The following NOTCH2NLR variants were observed in gnomAD, a reference collection of about 807,000 sequenced individuals.
The protein encoded by NOTCH2NLR is notch 2 N-terminal like R.
NOTCH2NLR carries 33 observed loss-of-function variants against 35.6 expected under a neutral mutation model. That is an observed-to-expected ratio of 0.93 (90% confidence interval 0.70 to 1.24). The LOEUF (loss-of-function observed/expected upper bound fraction) is 1.24. NOTCH2NLR is among the 50% of genes most tolerant of loss of function. NOTCH2NLR has a pLI of 0.00. For missense variants in NOTCH2NLR, 276 were observed against 362.2 expected, an observed-to-expected ratio of 0.76 and a Z score of 1.93; for synonymous variants, 103 against 141.0, an observed-to-expected ratio of 0.73 and a Z score of 1.91.
exon 3 of NOTCH2NLR, chr1:120,785,067 C>T (rs1176480602): frequency 6.2e-6 from 9 of 1,445,892 alleles, no homozygotes; most frequent in Non-Finnish European, 7.4e-6. Context: ...TGGCCCAGGC[C>T]ATGCTGGGGA....
chr1:120,726,217 G>A (rs1206865171), intron 1 of NOTCH2NLR, among the ~76,000 whole-genome samples: 1 of 85,588 alleles, frequency 1.2e-5, no homozygotes, highest in East Asian at 2.6e-4. Flanking sequence ...TTATTAGCTA[G>A]CTTTTAGGTA....
At chr1:120,751,721 CT>C (rs1248092058) in intron 1 of NOTCH2NLR, among the ~76,000 whole-genome samples, 2 of 16,158 alleles carry the variant, frequency 1.2e-4, no homozygotes, top group African/African-American at 2.2e-4. Flanking sequence ...TCTCTCTTTT[CT>C]TTTTTTCTTT....
At position 120,763,775 on chromosome 1, in the gene NOTCH2NLR, C is replaced by G. The variant is rs1248949183; in HGVS notation, c.155+66C>G. The G allele has an allele frequency of 4.6e-6, 3 of 654,580 alleles. 1 individual carries two copies. Among genetic ancestry groups the G allele is most frequent in the Non-Finnish European group, 8.0e-6 (3 of 372,840 alleles). 40.5% of individuals were successfully genotyped at this position (654,580 alleles called of 1,614,324 possible). A position where few individuals can be genotyped will look rare whatever the true frequency, so the allele number is the denominator to read the frequency against. On this transcript the variant is annotated intron_variant, in intron 2 of 4. Coordinates refer to ENST00000624419, the Ensembl canonical transcript of NOTCH2NLR. ...CACTGGACAAGATTTGATTCTACTC[C>G]TCTATTTTTAATGCTTCTGTGGAAT...
Position 120,790,620 on chromosome 1 carries a change from CT to C in NOTCH2NLR, c.416-2540del, listed in dbSNP as rs1651481655. ...TTTCTCTCTCTTTCCCTCTCTCTTTCTGTCTTTCTTTCTTCTCACTCTGTTG... is the reference window on the plus strand; with the variant it reads ...TTTCTCTCTCTTTCCCTCTCTCTTTCGTCTTTCTTTCTTCTCACTCTGTTG... On this transcript the variant is annotated intron_variant, in intron 3 of 4. Transcript: ENST00000624419. Among the ~76,000 whole-genome samples, 2 of 103,584 alleles carry C rather than the reference CT, an allele frequency of 1.9e-5. 1 individual carries two copies. Among genetic ancestry groups the C allele is most frequent in the African/African-American group, 1.3e-4 (2 of 15,920 alleles). 68.0% of individuals were successfully genotyped at this position (103,584 alleles called of 152,430 possible).
chr1:120,733,105 ATTTATT>A (rs1404202135), intron 1 of NOTCH2NLR, among the ~76,000 whole-genome samples: 1 of 84,626 alleles, frequency 1.2e-5, no homozygotes, highest in Non-Finnish European at 2.1e-5. Flanking sequence ...AAAGCTGTTG[ATTTATT>A]TTTATATATA....
At chr1:120,750,756 TA>T (rs1651013976) in intron 1 of NOTCH2NLR, among the ~76,000 whole-genome samples, 1 of 113,444 alleles carries the variant, frequency 8.8e-6, no homozygotes, top group Non-Finnish European at 1.7e-5. Flanking sequence ...CTCAAATTTA[TA>T]AACTTGTTCT....
At chr1:120,760,349 A>T in intron 1 of NOTCH2NLR, among the ~76,000 whole-genome samples, 1 of 109,534 alleles carries the variant, frequency 9.1e-6, no homozygotes. Flanking sequence ...TAATTTTTGT[A>T]CTTTTAGTAG....
rs1402190267 is a variant in NOTCH2NLR at position 120,781,996 on chromosome 1, T to A, written c.156-2978T>A. On this transcript the variant is annotated intron_variant, in intron 2 of 4. Coordinates refer to ENST00000624419, the Ensembl canonical transcript of NOTCH2NLR. ...AAATATACAATACATAGTTAAGTAC[T>A]TAGAAAATATGTTTTCAGTTACTTC... is the stretch of plus-strand genomic sequence containing the variant. 2.0e-5 allele frequency among the ~76,000 whole-genome samples: 2 copies of A among 100,218 alleles called. 1 individual carries two copies. The highest frequency in any genetic ancestry group is 3.7e-5 in the Non-Finnish European group (2 of 54,446). 65.7% of individuals were successfully genotyped at this position (100,218 alleles called of 152,430 possible). A position where few individuals can be genotyped will look rare whatever the true frequency, so the allele number is the denominator to read the frequency against.
chr1:120,724,104 C>G, exon 1 of NOTCH2NLR: 1 of 1,336,692 alleles, frequency 7.5e-7, no homozygotes, highest in Admixed American at 2.7e-5. Context: ...TCTATCGGGA[C>G]CCCCTCCCCA....
chr1:120,793,109 G>A lies in NOTCH2NLR; in HGVS notation c.416-52G>A, dbSNP rs1465004418. On this transcript the variant is annotated intron_variant, in intron 3 of 4. Transcript: ENST00000624419. ...GATGTCAATGAGGTATTGAGGATGG[G>A]GCCATCTCCTATTTCTGTGGCCAGT... The A allele has an allele frequency of 3.2e-5, 25 of 777,498 alleles. 3 individuals are homozygous for A. The highest frequency in any genetic ancestry group is 4.9e-5 in the African/African-American group (1 of 20,598). The allele number at this position is 777,498 out of a possible 1,614,324, so 48.2% of individuals were successfully genotyped here.
chr1:120,781,676 G>A (rs1651362895), intron 2 of NOTCH2NLR, among the ~76,000 whole-genome samples: 2 of 73,484 alleles, frequency 2.7e-5, no homozygotes. Flanking sequence ...CCATTCTCCT[G>A]CCTCAGCCTC....
chr1:120,769,273 C>T (rs1232515501), intron 2 of NOTCH2NLR, among the ~76,000 whole-genome samples: 1 of 151,954 alleles, frequency 6.6e-6, no homozygotes. Context: ...GCTTCTCCCC[C>T]AAAAAGGCGT....
At chr1:120,763,772 C>T (rs1651158637) in intron 2 of NOTCH2NLR, 63 bp downstream of exon 2, 1 of 661,736 alleles carries the variant, frequency 1.5e-6, no homozygotes, top group Admixed American at 2.2e-5. Context: ...TTTGATTCTA[C>T]TCCTCTATTT....
intron 2 of NOTCH2NLR, among the ~76,000 whole-genome samples, chr1:120,784,125 G>GTTT (rs1651395960): frequency 1.7e-5 from 2 of 118,050 alleles, no homozygotes; most frequent in Non-Finnish European, 3.3e-5. Flanking sequence ...GAAAGTGTGG[G>GTTT]TTAAAAGAGA....
At position 120,785,241 on chromosome 1, in the gene NOTCH2NLR, A is replaced by G. The variant is rs1651412763; in HGVS notation, c.415+8A>G. On this transcript the variant is annotated splice_region_variant and intron_variant, in intron 3 of 4. Coordinates refer to ENST00000624419, the Ensembl canonical transcript of NOTCH2NLR. ...GTCAAGTCGGGTTTACAGGTAACTA[A>G]TGAGACCAAAGCCAGTGCTTCCCTA... 2.0e-5 allele frequency: 29 copies of G among 1,444,294 alleles called. 7 individuals carry two copies. The Middle Eastern group carries it at 5.3e-4, about 26-fold the overall frequency. 89.5% of individuals were successfully genotyped at this position (1,444,294 alleles called of 1,614,324 possible).
At position 120,790,381 on chromosome 1, in the gene NOTCH2NLR, T is replaced by A. The variant is rs1415594998; in HGVS notation, c.416-2780T>A. Among the ~76,000 whole-genome samples the A allele has an allele frequency of 6.1e-5, 7 of 114,770 alleles. 2 individuals are homozygous for A. The East Asian group carries it at 1.5e-3, about 25-fold the overall frequency. The allele number at this position is 114,770 out of a possible 152,430, so 75.3% of individuals were successfully genotyped here. A position where few individuals can be genotyped will look rare whatever the true frequency, so the allele number is the denominator to read the frequency against. On this transcript the variant is annotated intron_variant, in intron 3 of 4. Transcript: ENST00000624419. ...CTTTAGGAATCATCACAGATCAAGG[T>A]CATCCTTTTGGTTTTTGTGATAGCA...
chr1:120,793,870 C>T lies in NOTCH2NLR; in HGVS notation c.*50C>T. The T allele has an allele frequency of 3.8e-6, 2 of 520,358 alleles. 1 individual carries two copies. The highest frequency in any genetic ancestry group is 6.6e-6 in the Non-Finnish European group (2 of 304,264). The allele number at this position is 520,358 out of a possible 1,614,324, so 32.2% of individuals were successfully genotyped here. ...TGTGTGGTTAATAAAGTGCTTTAAA[C>T]TGAATTGACATTAACAGTAGGTGAT... On this transcript the variant is annotated 3_prime_UTR_variant, in exon 5 of 5. Coordinates refer to ENST00000624419, the Ensembl canonical transcript of NOTCH2NLR.
chr1:120,790,183 T>C (rs1651468731), intron 3 of NOTCH2NLR, among the ~76,000 whole-genome samples: 1 of 102,798 alleles, frequency 9.7e-6, no homozygotes, highest in East Asian at 2.3e-4. Context: ...GCCCGGCTAA[T>C]TTTTGTATTT....
At position 120,764,266 on chromosome 1, in the gene NOTCH2NLR, A is replaced by T. The variant is rs1242337346; in HGVS notation, c.155+557A>T. ...CGTCTCAAAAAGAAATAAAAAAAAT[A>T]TATAAAAAAATATATATTAGATTCC... On this transcript the variant is annotated intron_variant, in intron 2 of 4. Transcript: ENST00000624419. Among the ~76,000 whole-genome samples the T allele has an allele frequency of 1.9e-5, 2 of 103,474 alleles. 1 individual carries two copies. The highest frequency in any genetic ancestry group is 1.3e-4 in the African/African-American group (2 of 15,162). The allele number at this position is 103,474 out of a possible 152,430, so 67.9% of individuals were successfully genotyped here.
Sources: allele counts gnomAD v4.1 joint callset (sites outside exome capture counted in the v4.1 genomes callset), GRCh38; gene constraint gnomAD v4.1.1; transcripts MANE v1.5; gene names NCBI Gene and HGNC (gene_info 2026-07-23, HGNC 2026-07-21).